Variants in RABGAP1L observed in about 807,000 individuals in gnomAD.
RABGAP1L encodes rab GTPase-activating protein 1-like.
Under a neutral mutation model 137.7 loss-of-function variants are expected in RABGAP1L, and 63 were observed. The observed-to-expected ratio is 0.46, with a 90% CI of 0.37 to 0.56. RABGAP1L has a LOEUF of 0.56. RABGAP1L is among the 20% of genes least tolerant of loss of function. The probability of loss-of-function intolerance (pLI) is 0.00; values close to 1 mark genes in which losing one functional copy is unlikely to be tolerated. For synonymous variants in RABGAP1L, 431 were observed against 433.7 expected, an observed-to-expected ratio of 0.99 and a Z score of 0.08; for missense variants, 1,095 against 1,244.0, an observed-to-expected ratio of 0.88 and a Z score of 1.80.
At chr1:174,843,132 T>C (rs1343393532) in intron 19 of RABGAP1L, among the ~76,000 whole-genome samples, 1 of 152,138 alleles carries the variant, frequency 6.6e-6, no homozygotes, top group Non-Finnish European at 1.5e-5. Context: ...ATTCTACTGA[T>C]TCGTAATTTT....
intron 18 of RABGAP1L, among the ~76,000 whole-genome samples, chr1:174,780,809 G>A (rs866208573): frequency 3.0e-4 from 44 of 147,544 alleles, no homozygotes; most frequent in Middle Eastern, 3.5e-3. Context: ...CTGTGAGTGA[G>A]AACATGCGGT....
chr1:174,963,498 GT>G (rs1395785882), intron 20 of RABGAP1L, among the ~76,000 whole-genome samples: 1 of 152,002 alleles, frequency 6.6e-6, no homozygotes, highest in African/African-American at 2.4e-5. Flanking sequence ...ATGTTTACTG[GT>G]GATCTTCAGA....
At chr1:174,765,277 T>A (rs535873804) in intron 18 of RABGAP1L, among the ~76,000 whole-genome samples, 19 of 152,330 alleles carry the variant, frequency 1.2e-4, no homozygotes, top group African/African-American at 4.6e-4. Flanking sequence ...GGACATCTTT[T>A]CTAGTCTACA....
intron 13 of RABGAP1L, chr1:174,548,538 A>G: frequency 1.0e-6 from 1 of 972,332 alleles, no homozygotes; most frequent in Non-Finnish European, 1.2e-6. Flanking sequence ...AAGTTTTTCA[A>G]AACAGTAAAA....
At chr1:174,544,454 T>C (rs759913355) in intron 13 of RABGAP1L, among the ~76,000 whole-genome samples, 1 of 152,222 alleles carries the variant, frequency 6.6e-6, no homozygotes, top group Non-Finnish European at 1.5e-5. Context: ...CATCAGGTCA[T>C]TTAAGGTCTT....
At chr1:174,459,723 G>A (rs1449065871) in intron 13 of RABGAP1L, among the ~76,000 whole-genome samples, 1 of 151,978 alleles carries the variant, frequency 6.6e-6, no homozygotes, top group African/African-American at 2.4e-5. Flanking sequence ...GTGGTTGGTT[G>A]AATCGATGGA....
At chr1:174,833,784 A>T (rs972534489) in intron 19 of RABGAP1L, among the ~76,000 whole-genome samples, 4 of 152,046 alleles carry the variant, frequency 2.6e-5, no homozygotes, top group African/African-American at 9.7e-5. Context: ...CACAAAAATA[A>T]TATAAAATCG....
In RABGAP1L at chr1:174,630,206, G is replaced by A. The variant is rs377039039; in HGVS notation, c.1711-7169G>A. On this transcript the variant is annotated intron_variant, in intron 13 of 25. Transcript: ENST00000681986. The stretch of plus-strand genomic sequence containing the variant: ...TGCTGGATTACATTTATTGATTTGC[G>A]TATATTGAACCAGCCTTGCATCCCA... 3.2e-4 allele frequency among the ~76,000 whole-genome samples: 47 copies of A among 148,770 alleles called. 1 individual carries two copies. The highest frequency in any genetic ancestry group is 1.1e-3 in the African/African-American group (43 of 40,058).
At chr1:174,787,350 C>A (rs1687519880) in intron 18 of RABGAP1L, among the ~76,000 whole-genome samples, 1 of 148,258 alleles carries the variant, frequency 6.7e-6, no homozygotes, top group African/African-American at 2.5e-5. Flanking sequence ...TTGCAGTGAG[C>A]TGACATTGCA....
chr1:174,940,509 C>G (rs532553737), intron 19 of RABGAP1L, among the ~76,000 whole-genome samples: 2 of 152,098 alleles, frequency 1.3e-5, no homozygotes, highest in African/African-American at 4.8e-5. Flanking sequence ...AACTCTTGAG[C>G]TCAAGTGATC....
At chr1:174,962,982 C>T (rs1173253035) in intron 20 of RABGAP1L, among the ~76,000 whole-genome samples, 2 of 151,956 alleles carry the variant, frequency 1.3e-5, no homozygotes, top group African/African-American at 4.8e-5. Flanking sequence ...ACCTGTAGTC[C>T]CAGCTACTCA....
rs185446050 is a variant in RABGAP1L, at chr1:174,527,311, C to G, written c.1711-110064C>G. Among the ~76,000 whole-genome samples, 295 of 148,930 alleles carry G rather than the reference C, an allele frequency of 2.0e-3. 1 individual carries two copies. Among genetic ancestry groups the G allele is most frequent in the African/African-American group, 6.9e-3 (279 of 40,500 alleles). On this transcript the variant is annotated intron_variant, in intron 13 of 25. Coordinates refer to ENST00000681986, the MANE Select transcript of RABGAP1L (RefSeq NM_001366446.1). ...CTTTGCCTCCCTGATTCAAGCGATTCTTTGCCTCAGCCTCCCGAGTAGCTG... is the reference window on the plus strand; with the variant it reads ...CTTTGCCTCCCTGATTCAAGCGATTGTTTGCCTCAGCCTCCCGAGTAGCTG...
At chr1:174,788,972 C>G (rs1041577506) in intron 18 of RABGAP1L, among the ~76,000 whole-genome samples, 19 of 152,142 alleles carry the variant, frequency 1.2e-4, no homozygotes, top group Non-Finnish European at 2.1e-4. Flanking sequence ...CTTCAGCCAC[C>G]CAAAGTGCTG....
intron 12 of RABGAP1L, among the ~76,000 whole-genome samples, chr1:174,383,994 C>T (rs578136520): frequency 6.6e-6 from 1 of 152,298 alleles, no homozygotes; most frequent in South Asian, 2.1e-4. Context: ...TTATGATAGC[C>T]TTGCTCATAA....
chr1:174,185,628 C>A (rs1435263278), intron 1 of RABGAP1L, among the ~76,000 whole-genome samples: 1 of 152,070 alleles, frequency 6.6e-6, no homozygotes, highest in Non-Finnish European at 1.5e-5. Context: ...TTATAATGGG[C>A]TGAGTATATT....
intron 19 of RABGAP1L, among the ~76,000 whole-genome samples, chr1:174,934,138 GAGT>G (rs1213433630): frequency 6.6e-6 from 1 of 152,056 alleles, no homozygotes; most frequent in African/African-American, 2.4e-5. Flanking sequence ...GCCCAGGCTG[GAGT>G]ACAATGGCAC....
intron 5 of RABGAP1L, chr1:174,245,741 T>C (rs1462972096): frequency 1.3e-5 from 2 of 152,192 alleles, no homozygotes; most frequent in African/African-American, 4.8e-5. Context: ...GTTCAAACGA[T>C]TCTTCTGCCT....
intron 3 of RABGAP1L, among the ~76,000 whole-genome samples, chr1:174,221,870 T>G (rs1669781898): frequency 6.6e-6 from 1 of 152,226 alleles, no homozygotes; most frequent in Non-Finnish European, 1.5e-5. Context: ...AGAGAAAGTC[T>G]TCATTCTTTT....
At chr1:174,670,301 G>A (rs755572044) in intron 14 of RABGAP1L, among the ~76,000 whole-genome samples, 22 of 151,942 alleles carry the variant, frequency 1.4e-4, no homozygotes, top group Non-Finnish European at 4.4e-5. Context: ...TGGGATACAT[G>A]AGATGTTTTG....
Sources: allele counts gnomAD v4.1 joint callset (sites outside exome capture counted in the v4.1 genomes callset), GRCh38; gene constraint gnomAD v4.1.1; transcripts MANE v1.5; gene names NCBI Gene and HGNC (gene_info 2026-07-23, HGNC 2026-07-21).